The following ERBB4 variants were observed in gnomAD, a reference collection of about 807,000 sequenced individuals.
ERBB4 encodes the protein erb-b2 receptor tyrosine kinase 4.
Under a neutral mutation model 158.0 loss-of-function variants are expected in ERBB4, and 42 were observed. That is an observed-to-expected ratio of 0.27 (90% CI 0.21 to 0.34). The LOEUF is 0.34. Among genes scored for constraint, ERBB4 ranks in the 10% least tolerant of loss-of-function variants. ERBB4 has a pLI of 1.00. For synonymous variants in ERBB4, 583 were observed against 558.7 expected, an observed-to-expected ratio of 1.04 and a Z score of -0.61; for missense variants, 1,333 against 1,624.1, an observed-to-expected ratio of 0.82 and a Z score of 3.08.
chr2:212,268,909 G>T (rs1000197289), intron 1 of ERBB4, among the ~76,000 whole-genome samples: 4 of 151,690 alleles, frequency 2.6e-5, no homozygotes, highest in African/African-American at 9.7e-5. Flanking sequence ...ATACCAGAAA[G>T]AAACACTAGT....
chr2:212,272,533 C>T (rs2085380591), intron 1 of ERBB4, among the ~76,000 whole-genome samples: 1 of 151,832 alleles, frequency 6.6e-6, no homozygotes, highest in South Asian at 2.1e-4. Flanking sequence ...GTTATCTGTT[C>T]CATATGAAGT....
rs148507371 is a variant in ERBB4, at chr2:212,137,551, C to T, written c.83-12648G>A. Among the ~76,000 whole-genome samples, 547 of 152,214 alleles carry T rather than the reference C, an allele frequency of 3.6e-3. 4 individuals are homozygous for T. The highest frequency in any genetic ancestry group is 0.013 in the African/African-American group (521 of 41,516). On this transcript the variant is annotated intron_variant, in intron 1 of 27. Transcript: ENST00000342788. ...CATAGTATTCCATGGTGTATATGTA[C>T]ATTTTCTTTATGCAGTCTATTATTA...
intron 3 of ERBB4, among the ~76,000 whole-genome samples, chr2:211,798,361 T>C (rs899237173): frequency 6.6e-6 from 1 of 152,178 alleles, no homozygotes; most frequent in African/African-American, 2.4e-5. Flanking sequence ...TATTGTTCCG[T>C]ATTATTCCAG....
chr2:211,474,299 A>G (rs1208459522), intron 20 of ERBB4, among the ~76,000 whole-genome samples: 2 of 152,068 alleles, frequency 1.3e-5, no homozygotes, highest in African/African-American at 4.8e-5. Flanking sequence ...CCAAATACCT[A>G]TGTTCTAAAC....
At chr2:211,827,254 A>G (rs2077121892) in intron 3 of ERBB4, among the ~76,000 whole-genome samples, 1 of 152,002 alleles carries the variant, frequency 6.6e-6, no homozygotes, top group African/African-American at 2.4e-5. Flanking sequence ...CATTCACATG[A>G]TAATTTATGA....
At chr2:212,107,053 G>GCC (rs978734020) in intron 2 of ERBB4, among the ~76,000 whole-genome samples, 27 of 152,350 alleles carry the variant, frequency 1.8e-4, no homozygotes, top group African/African-American at 6.3e-4. Flanking sequence ...TGGGGTGGGT[G>GCC]CCCCCAAACA....
At chr2:211,615,438 T>C (rs914564436) in intron 19 of ERBB4, among the ~76,000 whole-genome samples, 89 of 152,056 alleles carry the variant, frequency 5.9e-4, no homozygotes, top group Non-Finnish European at 8.2e-4. Context: ...GGTATTCTTA[T>C]GAAGGTGCGC....
At chr2:212,102,212 C>T (rs1388272098) in intron 2 of ERBB4, among the ~76,000 whole-genome samples, 1 of 150,140 alleles carries the variant, frequency 6.7e-6, no homozygotes, top group Admixed American at 6.7e-5. Flanking sequence ...TTTTCTCTAA[C>T]TCTGGTGTTC....
chr2:212,529,648 T>A (rs974385987), intron 1 of ERBB4, among the ~76,000 whole-genome samples: 9 of 152,158 alleles, frequency 5.9e-5, no homozygotes, highest in Admixed American at 6.6e-5. Flanking sequence ...GTAAAAAAAA[T>A]TTTTAAAGAG....
intron 2 of ERBB4, among the ~76,000 whole-genome samples, chr2:212,062,680 C>T (rs1166820807): frequency 1.3e-5 from 2 of 152,096 alleles, no homozygotes; most frequent in Non-Finnish European, 2.9e-5. Flanking sequence ...GTTGGGATTA[C>T]AGGAGTGAGC....
chr2:211,784,235 G>A (rs529943828), intron 4 of ERBB4, among the ~76,000 whole-genome samples: 17 of 152,270 alleles, frequency 1.1e-4, no homozygotes, highest in African/African-American at 3.4e-4. Context: ...AACTTGACTC[G>A]TTAAAGAGCA....
chr2:211,523,220 G>A (rs2066237832), intron 20 of ERBB4, among the ~76,000 whole-genome samples: 2 of 136,700 alleles, frequency 1.5e-5, no homozygotes, highest in East Asian at 2.1e-4. Context: ...ACAGTATCTG[G>A]TTTTAACTTC....
chr2:211,563,549 T>C (rs1343704368), intron 19 of ERBB4, among the ~76,000 whole-genome samples: 1 of 152,170 alleles, frequency 6.6e-6, no homozygotes, highest in African/African-American at 2.4e-5. Context: ...TCTTTGGCTC[T>C]TGGATAAAAA....
intron 19 of ERBB4, among the ~76,000 whole-genome samples, chr2:211,598,007 G>A (rs1183420250): frequency 6.6e-6 from 1 of 152,072 alleles, no homozygotes; most frequent in African/African-American, 2.4e-5. Context: ...GTATGTCTGT[G>A]GGGAATAAAA....
intron 1 of ERBB4, among the ~76,000 whole-genome samples, chr2:212,255,997 A>T (rs2371565): frequency 0.083 from 8,181 of 99,068 alleles, 722 homozygotes; most frequent in African/African-American, 0.26. Flanking sequence ...AGTTTTATTT[A>T]TTTATTTTTT....
chr2:212,225,236 G>A (rs567490508), intron 1 of ERBB4, among the ~76,000 whole-genome samples: 1 of 152,068 alleles, frequency 6.6e-6, no homozygotes, highest in South Asian at 2.1e-4. Flanking sequence ...ACTAAAATTA[G>A]AAAGTGAAAA....
At chr2:211,923,616 G>A (rs1024921673) in intron 3 of ERBB4, among the ~76,000 whole-genome samples, 2 of 152,046 alleles carry the variant, frequency 1.3e-5, no homozygotes, top group Non-Finnish European at 2.9e-5. Context: ...GAGGGGAAAA[G>A]GTTCAACTGG....
intron 25 of ERBB4, among the ~76,000 whole-genome samples, chr2:211,405,026 G>T (rs567755332): frequency 2.0e-5 from 3 of 152,228 alleles, no homozygotes; most frequent in South Asian, 2.1e-4. Context: ...AACAGTTAAT[G>T]AGTTGTTAGT....
At chr2:211,653,847 T>G (rs1333064821) in intron 16 of ERBB4, among the ~76,000 whole-genome samples, 1 of 152,050 alleles carries the variant, frequency 6.6e-6, no homozygotes, top group East Asian at 1.9e-4. Context: ...GCTAATTTTT[T>G]GTATTTTTAG....
Sources: gnomAD v4.1 joint callset for allele counts (sites outside exome capture counted in the v4.1 genomes callset) on GRCh38, gnomAD v4.1.1 for gene constraint, MANE v1.5 for transcripts, NCBI Gene and HGNC (gene_info 2026-07-23, HGNC 2026-07-21) for gene names.